Variants in SAMD5 observed in about 807,000 individuals in gnomAD.
The protein encoded by SAMD5 is sterile alpha motif domain containing 5.
In SAMD5, 13 loss-of-function variants were observed where a neutral mutation model predicts 11.3. The observed-to-expected ratio is 1.15, with a 90% confidence interval of 0.75 to 1.83. SAMD5 has a LOEUF of 1.83. Ranked by LOEUF, SAMD5 falls within the 40% of genes most tolerant of loss-of-function variation. SAMD5 has a pLI of 0.00. For missense variants in SAMD5, 255 were observed against 239.1 expected, an observed-to-expected ratio of 1.07 and a Z score of -0.44; for synonymous variants, 129 against 111.3, an observed-to-expected ratio of 1.16 and a Z score of -1.00.
At chr6:147,611,599 G>A (rs555963956) in intron 1 of SAMD5, among the ~76,000 whole-genome samples, 1 of 151,984 alleles carries the variant, frequency 6.6e-6, no homozygotes, top group African/African-American at 2.4e-5. Flanking sequence ...ATAAATCACC[G>A]CAGAAAGTGA....
At chr6:147,918,597 C>G in the SAMD5 span, among the ~76,000 whole-genome samples, 37 of 152,120 alleles carry the variant, frequency 2.4e-4, no homozygotes, top group Admixed American at 2.2e-3. Context: ...TTAGAAAACC[C>G]CATTGTTTCA....
intron 1 of SAMD5, among the ~76,000 whole-genome samples, chr6:147,624,941 T>C (rs939069953): frequency 1.9e-4 from 29 of 151,552 alleles, no homozygotes; most frequent in African/African-American, 7.0e-4. Flanking sequence ...ATGCAAGAAG[T>C]GCTTGAGTTT....
chr6:147,931,908 A>C, the SAMD5 span, among the ~76,000 whole-genome samples: 1 of 152,358 alleles, frequency 6.6e-6, no homozygotes, highest in African/African-American at 2.4e-5. Context: ...CAATAAGCAT[A>C]GTATTTTTCT....
the SAMD5 span, among the ~76,000 whole-genome samples, chr6:147,813,351 C>T: frequency 6.6e-6 from 1 of 152,164 alleles, no homozygotes; most frequent in Non-Finnish European, 1.5e-5. Context: ...CAGTTTAATT[C>T]TAGATACCCA....
chr6:147,854,851 CAGT>C, the SAMD5 span, among the ~76,000 whole-genome samples: 1 of 152,074 alleles, frequency 6.6e-6, no homozygotes, highest in East Asian at 1.9e-4. Flanking sequence ...ATGAACTAAT[CAGT>C]AGTTGTACCT....
chr6:147,865,310 A>C, the SAMD5 span, among the ~76,000 whole-genome samples: 1 of 124,882 alleles, frequency 8.0e-6, no homozygotes, highest in African/African-American at 3.0e-5. Flanking sequence ...ATGTAGGTAT[A>C]TAAGTGTGTG....
At chr6:147,522,768 G>A (rs1037070875) in intron 1 of SAMD5, among the ~76,000 whole-genome samples, 1 of 152,024 alleles carries the variant, frequency 6.6e-6, no homozygotes, top group South Asian at 2.1e-4. Context: ...TGGAAGTTTC[G>A]GTCTCTGTCT....
chr6:147,511,335 T>C (rs757167526), intron 1 of SAMD5, among the ~76,000 whole-genome samples: 2 of 152,222 alleles, frequency 1.3e-5, no homozygotes, highest in African/African-American at 4.8e-5. Flanking sequence ...GCACATAGGC[T>C]TTGAACTCTG....
At chr6:147,882,822 G>A in the SAMD5 span, among the ~76,000 whole-genome samples, 1 of 152,180 alleles carries the variant, frequency 6.6e-6, no homozygotes, top group Non-Finnish European at 1.5e-5. Flanking sequence ...CTGTTATTAG[G>A]AAGCAAAATT....
the SAMD5 span, among the ~76,000 whole-genome samples, chr6:147,913,990 G>A: frequency 6.6e-6 from 1 of 152,066 alleles, no homozygotes; most frequent in African/African-American, 2.4e-5. Context: ...AAGGAACCAG[G>A]GCTCCCTGGA....
chr6:147,799,963 C>T, the SAMD5 span, among the ~76,000 whole-genome samples: 2 of 151,906 alleles, frequency 1.3e-5, no homozygotes, highest in African/African-American at 4.8e-5. Flanking sequence ...TCTAGTTATA[C>T]ATTCTTCTAA....
intron 1 of SAMD5, among the ~76,000 whole-genome samples, chr6:147,579,905 T>C (rs115649614): frequency 0.025 from 3,764 of 152,344 alleles, 85 homozygotes; most frequent in African/African-American, 0.061. Context: ...TGCCAGGCGC[T>C]GTTGTAAATG....
chr6:147,583,467 AG>A (rs1175127829), intron 1 of SAMD5, among the ~76,000 whole-genome samples: 1 of 152,226 alleles, frequency 6.6e-6, no homozygotes, highest in Non-Finnish European at 1.5e-5. Context: ...TTCTACAATC[AG>A]TTGTCATTGT....
chr6:147,717,346 C>G (rs959007277), intron 1 of SAMD5, among the ~76,000 whole-genome samples: 31 of 152,150 alleles, frequency 2.0e-4, no homozygotes, highest in African/African-American at 7.5e-4. Context: ...AGATTGTATC[C>G]TCTCCTAGTT....
chr6:147,633,208 G>A (rs780571712), intron 1 of SAMD5, among the ~76,000 whole-genome samples: 6 of 152,148 alleles, frequency 3.9e-5, no homozygotes, highest in Non-Finnish European at 8.8e-5. Context: ...CATTCCAGAA[G>A]CAAAGTGCCC....
At chr6:147,769,731 A>T in the SAMD5 span, among the ~76,000 whole-genome samples, 6 of 152,132 alleles carry the variant, frequency 3.9e-5, no homozygotes, top group Non-Finnish European at 5.9e-5. Flanking sequence ...GCAATGCTTA[A>T]CCCTGTATTT....
At chr6:147,838,198 T>G in the SAMD5 span, among the ~76,000 whole-genome samples, 1 of 152,144 alleles carries the variant, frequency 6.6e-6, no homozygotes, top group Non-Finnish European at 1.5e-5. Flanking sequence ...TCAGCAAGTA[T>G]GGAACAGAAG....
intron 1 of SAMD5, among the ~76,000 whole-genome samples, chr6:147,632,634 G>A (rs1790168295): frequency 6.6e-6 from 1 of 152,216 alleles, no homozygotes; most frequent in African/African-American, 2.4e-5. Context: ...TGGATAAAAA[G>A]GCCACAGGGC....
chr6:147,590,747 A>G (rs1789440878), intron 1 of SAMD5, among the ~76,000 whole-genome samples: 1 of 152,176 alleles, frequency 6.6e-6, no homozygotes, highest in Non-Finnish European at 1.5e-5. Context: ...TAGATGAATG[A>G]TTGACTTCTT....
Sources: gnomAD v4.1 joint callset for allele counts (sites outside exome capture counted in the v4.1 genomes callset) on GRCh38, gnomAD v4.1.1 for gene constraint, MANE v1.5 for transcripts, NCBI Gene and HGNC (gene_info 2026-07-23, HGNC 2026-07-21) for gene names.